The following CTBP1 variants were observed in gnomAD, a reference collection of about 807,000 sequenced individuals.
The protein encoded by CTBP1 is C-terminal-binding protein 1.
CTBP1 carries 11 observed loss-of-function variants against 42.1 expected under a neutral mutation model. That is an observed-to-expected ratio of 0.26 (90% CI 0.16 to 0.43). The LOEUF is 0.43. Among genes scored for constraint, CTBP1 ranks in the 20% least tolerant of loss-of-function variants. The probability of loss-of-function intolerance (pLI) is 1.00; values close to 1 mark genes in which losing one functional copy is unlikely to be tolerated. For missense variants in CTBP1, 399 were observed against 624.3 expected (o/e 0.64, Z 3.85); for synonymous variants, 324 against 277.1 (o/e 1.17, Z -1.68).
At position 1,212,935 on chromosome 4, in the gene CTBP1, C is replaced by G; in HGVS notation, c.1084G>C (p.Glu362Gln). 6.2e-7 allele frequency: 1 copy of G among 1,613,782 alleles called. No individual in the cohort carries two copies. The highest frequency in any genetic ancestry group is 1.1e-5 in the South Asian group (1 of 91,088). ...ASMDPAVVHP[E>Q]LNGAAYRYPP... is the part of the protein sequence containing the mutation. ...CACCTATAGGCAGCCCCATTGAGCT[C>G]AGGGTGCACGACGGCGGGGTCCATG... Residue 362 changes from glutamate (E) to glutamine (Q), a missense_variant, in exon 9 of 10, where the codon GAG becomes CAG. Transcript: ENST00000382952.
chr4:1,246,945 G>C (rs1201869767), intron 1 of CTBP1, among the ~76,000 whole-genome samples: 3 of 152,206 alleles, frequency 2.0e-5, no homozygotes, highest in Non-Finnish European at 2.9e-5. Flanking sequence ...CAGACAGGAC[G>C]AGCCAGCACT....
intron 3 of CTBP1, chr4:1,237,921 G>C (rs1489066604): frequency 9.2e-6 from 6 of 652,480 alleles, no homozygotes; most frequent in East Asian, 2.9e-5. Context: ...GGACAAACGT[G>C]GTGTCCACCT....
chr4:1,216,038 G>A lies in CTBP1; in HGVS notation c.682C>T (p.Leu228Phe). 6.2e-7 allele frequency: 1 copy of A among 1,611,724 alleles called. No individual in the cohort carries two copies. Among genetic ancestry groups the A allele is most frequent in the African/African-American group, 1.3e-5 (1 of 75,016 alleles). The change falls in exon 6 of 10, where the codon CTC (leucine) becomes TTC (phenylalanine). Residue 228 changes from leucine (L) to phenylalanine (F), a missense_variant. Transcript: ENST00000382952. ...ATGAGGTGGTGGTTGTGCTCGTTGA[G>A]GCCGCAGTGCAGGGTCACGCAGTCG... Reference protein sequence around the residue: ...HSDCVTLHCGLNEHNHHLIND... With the variant: ...HSDCVTLHCGFNEHNHHLIND...
At position 1,212,276 on chromosome 4, in the gene CTBP1, G is replaced by A. The variant is rs369378786; in HGVS notation, c.1254C>T (p.Pro418=). 6.1e-5 allele frequency: 94 copies of A among 1,532,462 alleles called. No homozygotes were observed. The highest frequency in any genetic ancestry group is 7.5e-5 in the Non-Finnish European group (86 of 1,142,056). 94.9% of individuals were successfully genotyped at this position (1,532,462 alleles called of 1,614,324 possible). Residue 418 remains proline (P), a synonymous_variant, in exon 10 of 10, where the codon CCC becomes CCT. Coordinates refer to ENST00000382952, the MANE Select transcript of CTBP1 (RefSeq NM_001012614.2). ...CACTGGCGTGGTCTCTATCCGCCTC[G>A]GGCTTGACGGTTTGGCCAGGAGAAG... The part of the protein sequence containing the change: ...HAPSPGQTVK[P]EADRDHASDQ...
chr4:1,243,774 A>G (rs1732432190), intron 1 of CTBP1: 2 of 985,422 alleles, frequency 2.0e-6, no homozygotes, highest in Non-Finnish European at 2.4e-6. Context: ...GTGAAGGCAC[A>G]CGGCTCCCAG....
At chr4:1,248,018 C>T (rs1378131066) in intron 1 of CTBP1, among the ~76,000 whole-genome samples, 4 of 152,244 alleles carry the variant, frequency 2.6e-5, no homozygotes, top group Non-Finnish European at 5.9e-5. Flanking sequence ...GAGAACGCTC[C>T]AGTCTCGGCC....
At chr4:1,248,860 A>ACCCGCCCCGC in intron 1 of CTBP1, 56 bp downstream of exon 1, 1 of 562,298 alleles carries the variant, frequency 1.8e-6, no homozygotes, top group Admixed American at 7.1e-5. Flanking sequence ...CCCGCGCGGC[A>ACCCGCCCCGC]CCCGCCCCGC....
chr4:1,234,047 G>A (rs1731233848), intron 3 of CTBP1, among the ~76,000 whole-genome samples: 1 of 152,208 alleles, frequency 6.6e-6, no homozygotes, highest in Admixed American at 6.5e-5. Flanking sequence ...ACGAGGAGGG[G>A]ACGGCAGGGA....
At chr4:1,234,635 G>A (rs1028130117) in intron 3 of CTBP1, 9 of 152,222 alleles carry the variant, frequency 5.9e-5, no homozygotes, top group African/African-American at 1.9e-4. Context: ...TTTTGCCTTA[G>A]CTTTCCAATT....
chr4:1,231,563 C>T (rs1730971013), intron 3 of CTBP1, among the ~76,000 whole-genome samples: 1 of 152,210 alleles, frequency 6.6e-6, no homozygotes, highest in African/African-American at 2.4e-5. Context: ...CAGGAAGGGG[C>T]CCGCCAAGCC....
In CTBP1 at chr4:1,239,221, G is replaced by T. The variant is rs546512344; in HGVS notation, c.8-884C>A. 1.1e-4 allele frequency among the ~76,000 whole-genome samples: 16 copies of T among 152,324 alleles called. No homozygotes were observed. The South Asian group carries it at 3.1e-3, about 30-fold the overall frequency. On this transcript the variant is annotated intron_variant, in intron 2 of 9. Transcript: ENST00000382952. Reference sequence around the variant, plus strand: ...GAAATAAGGGCTCTGAGGCGTCACAGAAGCATGGCAGCTTCCAGGCACCGC... The same window carrying T: ...GAAATAAGGGCTCTGAGGCGTCACATAAGCATGGCAGCTTCCAGGCACCGC...
intron 1 of CTBP1, chr4:1,244,198 T>C: frequency 1.0e-6 from 1 of 985,146 alleles, no homozygotes; most frequent in Non-Finnish European, 1.2e-6. Context: ...TCCTCCCTCC[T>C]GTTGGCCACG....
chr4:1,216,441 C>A, intron 5 of CTBP1: 1 of 595,068 alleles, frequency 1.7e-6, no homozygotes, highest in African/African-American at 1.9e-5. Flanking sequence ...GTACACTAGC[C>A]CCTCGGCCCA....
chr4:1,230,678 C>T (rs563419001), intron 3 of CTBP1, among the ~76,000 whole-genome samples: 43 of 152,382 alleles, frequency 2.8e-4, no homozygotes, highest in South Asian at 4.1e-4. Flanking sequence ...GCACTGGCCA[C>T]GGGCCTCGAA....
chr4:1,214,074 G>A (rs1036336436), intron 7 of CTBP1: 2 of 487,990 alleles, frequency 4.1e-6, no homozygotes, highest in Non-Finnish European at 7.1e-6. Context: ...ACAGACACTG[G>A]GGCCTCACTC....
In CTBP1 at chr4:1,241,405, C is replaced by G; in HGVS notation, c.-74G>C. ...GCTTTTTATCTTCAGGATCCCCAGG[C>G]AGAACCGCGTCCTGTCTCGGAGCCT... On this transcript the variant is annotated 5_prime_UTR_variant, in exon 2 of 10. Transcript: ENST00000382952. The G allele has an allele frequency of 7.7e-7, 1 of 1,298,744 alleles. No homozygotes were observed. The highest frequency in any genetic ancestry group is 1.2e-5 in the South Asian group (1 of 84,826). The allele number at this position is 1,298,744 out of a possible 1,614,324, so 80.5% of individuals were successfully genotyped here.
intron 1 of CTBP1, chr4:1,244,911 A>G: frequency 8.1e-6 from 8 of 985,358 alleles, no homozygotes; most frequent in Non-Finnish European, 9.6e-6. Context: ...CCTGACCCGG[A>G]GCCTTCCAGT....
intron 6 of CTBP1, chr4:1,215,594 T>A (rs1300371377): frequency 3.5e-6 from 1 of 282,720 alleles, no homozygotes; most frequent in African/African-American, 2.2e-5. Context: ...CAGCTGCAGA[T>A]GTCAGAGGCC....
At chr4:1,220,046 A>G (rs181591470) in intron 5 of CTBP1, among the ~76,000 whole-genome samples, 2 of 152,306 alleles carry the variant, frequency 1.3e-5, no homozygotes, top group Non-Finnish European at 2.9e-5. Flanking sequence ...TACTAAAAAT[A>G]CAAAAATTAG....
Sources: allele counts gnomAD v4.1 joint callset (sites outside exome capture counted in the v4.1 genomes callset), GRCh38; gene constraint gnomAD v4.1.1; transcripts MANE v1.5; gene names NCBI Gene and HGNC (gene_info 2026-07-23, HGNC 2026-07-21).